Variants in EPHB1 observed in about 807,000 individuals in gnomAD.
The protein encoded by EPHB1 is ephrin type-B receptor 1.
Under a neutral mutation model 94.4 loss-of-function variants are expected in EPHB1, and 30 were observed. The observed-to-expected ratio is 0.32, with a 90% confidence interval of 0.24 to 0.43. The LOEUF (loss-of-function observed/expected upper bound fraction) is 0.43, where lower values mean the gene tolerates loss of function less well. Ranked by LOEUF, EPHB1 falls within the 20% of genes least tolerant of loss-of-function variation. The pLI is 1.00. For synonymous variants in EPHB1, 522 were observed against 489.1 expected (o/e 1.07, Z -0.89); for missense variants, 1,055 against 1,308.3 (o/e 0.81, Z 2.99).
intron 3 of EPHB1, among the ~76,000 whole-genome samples, chr3:134,955,655 A>G (rs1225060511): frequency 7.1e-6 from 1 of 140,784 alleles, no homozygotes; most frequent in Non-Finnish European, 1.5e-5. Flanking sequence ...TCATGCTGCT[A>G]TAAAGACACA....
chr3:135,121,427 G>A (rs1326434393), intron 4 of EPHB1, among the ~76,000 whole-genome samples: 2 of 152,226 alleles, frequency 1.3e-5, no homozygotes, highest in Non-Finnish European at 2.9e-5. Flanking sequence ...TCCAGAACAA[G>A]GAACTCTGTA....
intron 12 of EPHB1, among the ~76,000 whole-genome samples, chr3:135,211,814 T>C (rs1576472247): frequency 1.3e-5 from 2 of 152,230 alleles, no homozygotes; most frequent in Non-Finnish European, 2.9e-5. Context: ...CTGAGCATAC[T>C]TTTTTCCCCA....
chr3:135,059,279 A>T (rs1355631976), intron 3 of EPHB1, among the ~76,000 whole-genome samples: 1 of 152,226 alleles, frequency 6.6e-6, no homozygotes, highest in African/African-American at 2.4e-5. Context: ...CTTCACAGCT[A>T]CTAAGCTGGC....
intron 12 of EPHB1, among the ~76,000 whole-genome samples, chr3:135,230,468 C>T (rs1198943107): frequency 6.6e-6 from 1 of 152,172 alleles, no homozygotes. Flanking sequence ...CTCCAGAGCA[C>T]TCACTTCAGG....
intron 1 of EPHB1, among the ~76,000 whole-genome samples, chr3:134,917,415 G>T (rs2107697901): frequency 6.6e-6 from 1 of 152,354 alleles, no homozygotes; most frequent in African/African-American, 2.4e-5. Flanking sequence ...TGGAGGGAGA[G>T]AAATGGCTCT....
At chr3:134,928,206 T>C (rs1012084887) in intron 2 of EPHB1, among the ~76,000 whole-genome samples, 3 of 152,240 alleles carry the variant, frequency 2.0e-5, no homozygotes, top group African/African-American at 4.8e-5. Flanking sequence ...GGCCAGAAAC[T>C]GATTCTTGAC....
chr3:135,173,927 T>C (rs1042403625), intron 9 of EPHB1, among the ~76,000 whole-genome samples: 1 of 152,222 alleles, frequency 6.6e-6, no homozygotes, highest in Non-Finnish European at 1.5e-5. Flanking sequence ...TTGACTTGGA[T>C]TCATCTTGTC....
At chr3:134,934,129 G>C (rs2107706273) in intron 2 of EPHB1, among the ~76,000 whole-genome samples, 1 of 152,164 alleles carries the variant, frequency 6.6e-6, no homozygotes, top group Admixed American at 6.5e-5. Context: ...ACATTAGCAG[G>C]CTCAAAACAG....
intron 3 of EPHB1, among the ~76,000 whole-genome samples, chr3:135,079,788 C>G (rs1254605918): frequency 6.6e-6 from 1 of 152,126 alleles, no homozygotes; most frequent in Non-Finnish European, 1.5e-5. Flanking sequence ...GCAGAGGAAT[C>G]CAGAGACGTG....
intron 4 of EPHB1, among the ~76,000 whole-genome samples, chr3:135,126,359 A>T (rs1940206287): frequency 6.6e-6 from 1 of 152,044 alleles, no homozygotes; most frequent in Non-Finnish European, 1.5e-5. Context: ...CAATTCTTTC[A>T]CCTAAAGAGA....
chr3:134,924,774 A>AT (rs2038756559), intron 1 of EPHB1, among the ~76,000 whole-genome samples: 1 of 152,254 alleles, frequency 6.6e-6, no homozygotes, highest in Non-Finnish European at 1.5e-5. Flanking sequence ...TAATATAATT[A>AT]TGCTGAGTGA....
chr3:134,882,765 C>CCTTCCTTTCTTTCTTTCTTTCTTTCTTT (rs1553861897), intron 1 of EPHB1, among the ~76,000 whole-genome samples: 48 of 79,914 alleles, frequency 6.0e-4, no homozygotes, highest in African/African-American at 1.9e-3. Context: ...TTCCTTCCTT[C>CCTTCCTTTCTTTCTTTCTTTCTTTCTTT]CTTTCTTTCT....
At chr3:135,189,445 G>C (rs570594891) in intron 10 of EPHB1, among the ~76,000 whole-genome samples, 1 of 152,262 alleles carries the variant, frequency 6.6e-6, no homozygotes, top group African/African-American at 2.4e-5. Context: ...TCACAGGGCC[G>C]GATGTTCAGA....
intron 10 of EPHB1, among the ~76,000 whole-genome samples, chr3:135,181,517 A>T (rs1942150452): frequency 6.6e-6 from 1 of 152,180 alleles, no homozygotes; most frequent in Admixed American, 6.5e-5. Flanking sequence ...AGTGTTGGGG[A>T]GGCGGGCTTT....
chr3:134,854,955 G>T (rs2037079833), intron 1 of EPHB1, among the ~76,000 whole-genome samples: 1 of 152,044 alleles, frequency 6.6e-6, no homozygotes, highest in African/African-American at 2.4e-5. Context: ...CCCACTCCTT[G>T]GGACAATCTG....
chr3:135,034,336 ACCTCCCGTT>A (rs796229101), intron 3 of EPHB1, among the ~76,000 whole-genome samples: 95 of 152,092 alleles, frequency 6.2e-4, no homozygotes, highest in African/African-American at 2.1e-3. Flanking sequence ...TAAAATATGC[ACCTCCCGTT>A]CAGGGAGGGC....
At chr3:135,202,048 G>A (rs1275425315) in intron 12 of EPHB1, among the ~76,000 whole-genome samples, 3 of 152,146 alleles carry the variant, frequency 2.0e-5, no homozygotes, top group Admixed American at 2.0e-4. Flanking sequence ...CATGCATGAG[G>A]CCTTCAGTCT....
chr3:135,109,793 G>C (rs2107800516), intron 4 of EPHB1, among the ~76,000 whole-genome samples: 1 of 152,346 alleles, frequency 6.6e-6, no homozygotes, highest in East Asian at 1.9e-4. Flanking sequence ...GCTGTCCCTG[G>C]ATGAGAGGTG....
intron 12 of EPHB1, among the ~76,000 whole-genome samples, chr3:135,235,413 G>A (rs1042885942): frequency 2.0e-5 from 3 of 152,048 alleles, no homozygotes; most frequent in African/African-American, 7.2e-5. Flanking sequence ...TTAAAGTCTG[G>A]GTTAGAACCA....
Sources: gnomAD v4.1 joint callset for allele counts (sites outside exome capture counted in the v4.1 genomes callset) on GRCh38, gnomAD v4.1.1 for gene constraint, MANE v1.5 for transcripts, NCBI Gene and HGNC (gene_info 2026-07-23, HGNC 2026-07-21) for gene names.